Variants in ANK2 observed in about 807,000 individuals in gnomAD.
ANK2 encodes ankyrin 2, also known as ankyrin-2.
In ANK2, 83 loss-of-function variants were observed where a neutral mutation model predicts 360.5. The observed-to-expected ratio is 0.23, with a 90% CI of 0.19 to 0.28. The LOEUF is 0.28. Among genes scored for constraint, ANK2 ranks in the 10% least tolerant of loss-of-function variants. ANK2 has a pLI of 1.00. For missense variants in ANK2, 4,201 were observed against 4,795.7 expected (o/e 0.88, Z 3.66); for synonymous variants, 1,740 against 1,759.5 (o/e 0.99, Z 0.28).
At chr4:113,249,618 C>T in intron 9 of ANK2, 146 bp from the exon 10 acceptor site, 1 of 744,848 alleles carries the variant, frequency 1.3e-6, no homozygotes, top group Middle Eastern at 3.0e-4. Flanking sequence ...ACTCATCTTT[C>T]TGGTTATTTA....
intron 1 of ANK2, among the ~76,000 whole-genome samples, chr4:113,114,637 A>G (rs1581987247): frequency 1.3e-5 from 2 of 152,208 alleles, no homozygotes; most frequent in South Asian, 4.1e-4. Flanking sequence ...AGAAAACAAC[A>G]TAATGAAATT....
chr4:113,272,878 A>G (rs1563323538), intron 14 of ANK2, among the ~76,000 whole-genome samples: 1 of 152,054 alleles, frequency 6.6e-6, no homozygotes, highest in African/African-American at 2.4e-5. Flanking sequence ...GAAACAACAA[A>G]TGTTCATCAT....
the ANK2 span, among the ~76,000 whole-genome samples, chr4:112,741,428 C>G: frequency 6.6e-6 from 1 of 152,192 alleles, no homozygotes; most frequent in Non-Finnish European, 1.5e-5. Flanking sequence ...AAAGCCTGCT[C>G]TGTCCATGCT....
intron 2 of ANK2, among the ~76,000 whole-genome samples, chr4:112,970,818 C>A (rs926191806): frequency 1.3e-5 from 2 of 151,880 alleles, no homozygotes; most frequent in African/African-American, 2.4e-5. Context: ...GTATTGTATA[C>A]TTGAAAATCA....
chr4:113,234,707 A>G (rs557092395), intron 5 of ANK2, among the ~76,000 whole-genome samples: 3 of 152,232 alleles, frequency 2.0e-5, no homozygotes, highest in Non-Finnish European at 4.4e-5. Context: ...ATTAATGACT[A>G]ATCAAGACAT....
At chr4:112,751,611 G>T in the ANK2 span, among the ~76,000 whole-genome samples, 1 of 151,858 alleles carries the variant, frequency 6.6e-6, no homozygotes, top group East Asian at 1.9e-4. Flanking sequence ...GTAGCAGGGG[G>T]GAAGGGATGG....
At chr4:113,003,389 G>T (rs1453361032) in intron 2 of ANK2, among the ~76,000 whole-genome samples, 1 of 150,432 alleles carries the variant, frequency 6.6e-6, no homozygotes, top group East Asian at 1.9e-4. Context: ...TCTTTTTTTT[G>T]AACTAGACAA....
At chr4:112,810,208 G>A in the ANK2 span, among the ~76,000 whole-genome samples, 24 of 134,124 alleles carry the variant, frequency 1.8e-4, no homozygotes, top group Non-Finnish European at 4.6e-5. Context: ...CACCATGTTG[G>A]CCAGGCTGAT....
At chr4:113,373,019 TA>T in intron 43 of ANK2, 70 bp from the exon 44 acceptor site, 1 of 1,240,798 alleles carries the variant, frequency 8.1e-7, no homozygotes, top group Non-Finnish European at 1.2e-6. Context: ...CCTCACATTA[TA>T]AGCACTTGGG....
the ANK2 span, among the ~76,000 whole-genome samples, chr4:112,713,228 G>A: frequency 2.0e-5 from 3 of 152,176 alleles, no homozygotes; most frequent in Non-Finnish European, 4.4e-5. Flanking sequence ...GTATTCCATC[G>A]TATGGGTGCA....
chr4:113,138,645 T>C (rs1429517912), intron 1 of ANK2, among the ~76,000 whole-genome samples: 1 of 152,122 alleles, frequency 6.6e-6, no homozygotes, highest in East Asian at 1.9e-4. Context: ...GAAAGTAGGA[T>C]TTTAAAATAT....
chr4:113,346,998 A>G (rs2094934251), intron 35 of ANK2, among the ~76,000 whole-genome samples: 1 of 152,154 alleles, frequency 6.6e-6, no homozygotes, highest in Non-Finnish European at 1.5e-5. Flanking sequence ...AGAAGTTGTC[A>G]GTGTCTATAT....
At chr4:113,186,178 C>T (rs2153304115) in intron 2 of ANK2, among the ~76,000 whole-genome samples, 1 of 152,302 alleles carries the variant, frequency 6.6e-6, no homozygotes, top group East Asian at 1.9e-4. Context: ...GCAGGTGCCC[C>T]TCTGGGATGA....
intron 1 of ANK2, among the ~76,000 whole-genome samples, chr4:112,888,489 A>G (rs919046732): frequency 2.6e-5 from 4 of 152,348 alleles, no homozygotes; most frequent in Admixed American, 2.0e-4. Flanking sequence ...ATATGAAAAC[A>G]TCTCTACTTC....
At chr4:112,982,907 C>T (rs996726051) in intron 2 of ANK2, among the ~76,000 whole-genome samples, 4 of 152,182 alleles carry the variant, frequency 2.6e-5, no homozygotes, top group African/African-American at 9.7e-5. Context: ...GCAATCTGTG[C>T]AGTAGAATTC....
chr4:112,793,236 C>A, the ANK2 span, among the ~76,000 whole-genome samples: 5 of 151,986 alleles, frequency 3.3e-5, no homozygotes, highest in Non-Finnish European at 7.4e-5. Flanking sequence ...CTGACTTGAC[C>A]ATTATTAGAT....
the ANK2 span, among the ~76,000 whole-genome samples, chr4:112,757,258 G>A: frequency 1.3e-5 from 2 of 151,626 alleles, no homozygotes; most frequent in Admixed American, 6.6e-5. Flanking sequence ...GATTACAGAC[G>A]CCCGCCACCA....
intron 2 of ANK2, among the ~76,000 whole-genome samples, chr4:112,996,080 C>G (rs183994248): frequency 2.0e-5 from 3 of 152,170 alleles, no homozygotes; most frequent in Non-Finnish European, 2.9e-5. Context: ...ACCCAAATGT[C>G]TATCAACTGG....
chr4:113,049,882 C>A, intron 1 of ANK2, 70 bp downstream of exon 1: 1 of 1,553,498 alleles, frequency 6.4e-7, no homozygotes, highest in Non-Finnish European at 8.8e-7. Context: ...TGTGTAATAT[C>A]AGCAAGGCTA....
Sources: allele counts gnomAD v4.1 joint callset (sites outside exome capture counted in the v4.1 genomes callset), GRCh38; gene constraint gnomAD v4.1.1; transcripts MANE v1.5; gene names NCBI Gene and HGNC (gene_info 2026-07-23, HGNC 2026-07-21).